SLC44A5: variants seen among roughly 807,000 people sequenced by gnomAD.
SLC44A5 encodes solute carrier family 44 member 5.
Under a neutral mutation model 101.8 loss-of-function variants are expected in SLC44A5, and 57 were observed. The ratio of observed to expected loss-of-function variants is 0.56; its 90% CI spans 0.45 to 0.70. The LOEUF is 0.70. Ranked by LOEUF, SLC44A5 falls within the 30% of genes least tolerant of loss-of-function variation. The probability of loss-of-function intolerance (pLI) is 0.00; values close to 1 mark genes in which losing one functional copy is unlikely to be tolerated. For synonymous variants in SLC44A5, 281 were observed against 290.9 expected (o/e 0.97, Z 0.35); for missense variants, 737 against 853.1 (o/e 0.86, Z 1.70).
the SLC44A5 span, among the ~76,000 whole-genome samples, chr1:75,678,853 G>A: frequency 2.0e-5 from 3 of 152,054 alleles, no homozygotes; most frequent in Non-Finnish European, 4.4e-5. Flanking sequence ...TAAAGAAGTT[G>A]AAAACTTTGA....
the SLC44A5 span, among the ~76,000 whole-genome samples, chr1:75,670,318 G>GA: frequency 1.3e-5 from 2 of 152,034 alleles, no homozygotes; most frequent in East Asian, 3.9e-4. Context: ...TACATGTAAG[G>GA]AAAAATTAAT....
chr1:75,341,435 T>C (rs999810429), intron 3 of SLC44A5, among the ~76,000 whole-genome samples: 3 of 151,482 alleles, frequency 2.0e-5, no homozygotes, highest in African/African-American at 7.3e-5. Context: ...TGAGCTGAGA[T>C]TGTGGCACTG....
At chr1:75,385,117 A>G (rs1661211316) in intron 3 of SLC44A5, among the ~76,000 whole-genome samples, 1 of 151,960 alleles carries the variant, frequency 6.6e-6, no homozygotes, top group Admixed American at 6.6e-5. Context: ...AAAGATCCAA[A>G]ATTGACACCC....
chr1:75,237,759 A>G (rs1648229263), intron 10 of SLC44A5, among the ~76,000 whole-genome samples: 1 of 152,122 alleles, frequency 6.6e-6, no homozygotes, highest in Non-Finnish European at 1.5e-5. Context: ...TCTTTTACAC[A>G]GATTTATATT....
intron 1 of SLC44A5, among the ~76,000 whole-genome samples, chr1:75,578,333 A>G (rs1284406648): frequency 2.0e-5 from 3 of 151,286 alleles, no homozygotes; most frequent in Non-Finnish European, 4.4e-5. Context: ...ACAAAAAAAC[A>G]TCTAACACAC....
chr1:75,293,815 C>T (rs187266925), intron 5 of SLC44A5, among the ~76,000 whole-genome samples: 1 of 152,088 alleles, frequency 6.6e-6, no homozygotes, highest in Admixed American at 6.5e-5. Flanking sequence ...CATGAATGCA[C>T]TCAACAAAGT....
At position 75,607,847 on chromosome 1, in the gene SLC44A5, T is replaced by C. The variant is rs533145434; in HGVS notation, c.-70+3193A>G. On this transcript the variant is annotated intron_variant, in intron 1 of 23. Coordinates refer to ENST00000370859, the MANE Select transcript of SLC44A5 (RefSeq NM_001130058.2). ...TGGAACTGTGAGTCAATTAAACCTCTTTCCTTTATAAGTTACCCAATCTTG... is the reference window on the plus strand; with the variant it reads ...TGGAACTGTGAGTCAATTAAACCTCCTTCCTTTATAAGTTACCCAATCTTG... 2.1e-3 allele frequency among the ~76,000 whole-genome samples: 313 copies of C among 152,176 alleles called. 2 individuals are homozygous for C. The highest frequency in any genetic ancestry group is 2.1e-3 in the Non-Finnish European group (144 of 67,960).
chr1:75,391,007 A>G (rs1439616541), intron 3 of SLC44A5, among the ~76,000 whole-genome samples: 1 of 152,208 alleles, frequency 6.6e-6, no homozygotes, highest in East Asian at 1.9e-4. Context: ...TTTAGGATAC[A>G]AAATCAATGT....
intron 9 of SLC44A5, among the ~76,000 whole-genome samples, chr1:75,239,847 T>C (rs1217164761): frequency 6.6e-6 from 1 of 152,064 alleles, no homozygotes; most frequent in Non-Finnish European, 1.5e-5. Flanking sequence ...AGTCAATATT[T>C]GCTGATGAAT....
chr1:75,716,862 T>C, the SLC44A5 span, among the ~76,000 whole-genome samples: 1 of 151,766 alleles, frequency 6.6e-6, no homozygotes, highest in South Asian at 2.1e-4. Context: ...TGAAACCCCA[T>C]CTCTACTAAA....
At chr1:75,300,743 C>CTTCATTTTG in intron 4 of SLC44A5, 58 bp from the exon 5 acceptor site, 3 of 1,146,954 alleles carry the variant, frequency 2.6e-6, no homozygotes, top group Non-Finnish European at 3.7e-6. Flanking sequence ...TTCCTGTTTC[C>CTTCATTTTG]TGCACAAAAT....
At chr1:75,533,297 C>G (rs1266460055) in intron 2 of SLC44A5, among the ~76,000 whole-genome samples, 1 of 152,186 alleles carries the variant, frequency 6.6e-6, no homozygotes, top group East Asian at 1.9e-4. Flanking sequence ...CTGTGTCATT[C>G]ATGCAATAAA....
chr1:75,472,299 C>A (rs1034029793), intron 2 of SLC44A5, among the ~76,000 whole-genome samples: 2 of 152,090 alleles, frequency 1.3e-5, no homozygotes, highest in African/African-American at 4.8e-5. Context: ...CAACTTAATT[C>A]TTTCTTTTGA....
chr1:75,450,684 C>T (rs1665855038), intron 2 of SLC44A5, among the ~76,000 whole-genome samples: 1 of 152,176 alleles, frequency 6.6e-6, no homozygotes, highest in Admixed American at 6.5e-5. Flanking sequence ...GCTGGGTACC[C>T]CAGTCTGCTA....
At chr1:75,341,833 A>G (rs964252473) in intron 3 of SLC44A5, among the ~76,000 whole-genome samples, 1 of 152,136 alleles carries the variant, frequency 6.6e-6, no homozygotes, top group Non-Finnish European at 1.5e-5. Flanking sequence ...TGAATAGCTG[A>G]AATAGCTCAA....
intron 5 of SLC44A5, among the ~76,000 whole-genome samples, chr1:75,297,428 G>A (rs1654051083): frequency 6.6e-6 from 1 of 152,036 alleles, no homozygotes; most frequent in Non-Finnish European, 1.5e-5. Context: ...GAGACTACAG[G>A]AGCACACCAT....
intron 2 of SLC44A5, among the ~76,000 whole-genome samples, chr1:75,472,668 C>A (rs1383646899): frequency 6.6e-6 from 1 of 152,160 alleles, no homozygotes; most frequent in Non-Finnish European, 1.5e-5. Flanking sequence ...GCTGAAATGA[C>A]TGTGCTCTCT....
In SLC44A5 at chr1:75,220,381, C is replaced by A. The variant is rs1252046552; in HGVS notation, c.1086-489G>T. Among the ~76,000 whole-genome samples the A allele has an allele frequency of 2.6e-5, 4 of 152,054 alleles. 1 individual carries two copies. The highest frequency in any genetic ancestry group is 4.1e-4 in the South Asian group (2 of 4,830). ...TTTCTTATCAAGGTATTAGAAATTT[C>A]TTCATTATCTGCCTGTTTGCAACCT... On this transcript the variant is annotated intron_variant, in intron 14 of 23. Coordinates refer to ENST00000370859, the MANE Select transcript of SLC44A5 (RefSeq NM_001130058.2).
chr1:75,255,734 A>T (rs1345398604), intron 6 of SLC44A5, among the ~76,000 whole-genome samples: 2 of 152,152 alleles, frequency 1.3e-5, no homozygotes, highest in Non-Finnish European at 2.9e-5. Context: ...GTGAGATTTC[A>T]GAACACTAAG....
Sources: allele counts gnomAD v4.1 joint callset (sites outside exome capture counted in the v4.1 genomes callset), GRCh38; gene constraint gnomAD v4.1.1; transcripts MANE v1.5; gene names NCBI Gene and HGNC (gene_info 2026-07-23, HGNC 2026-07-21).